Variants in EFCAB5 observed in about 807,000 individuals in gnomAD.
EFCAB5 encodes the protein EF-hand calcium binding domain 5.
EFCAB5 carries 131 observed loss-of-function variants against 167.9 expected under a neutral mutation model. The ratio of observed to expected loss-of-function variants is 0.78; its 90% CI spans 0.68 to 0.90. EFCAB5 has a LOEUF of 0.90. Among genes scored for constraint, EFCAB5 ranks in the 40% least tolerant of loss-of-function variants. EFCAB5 has a pLI of 0.00. For missense variants in EFCAB5, 1,663 were observed against 1,745.2 expected (o/e 0.95, Z 0.84); for synonymous variants, 574 against 602.8 (o/e 0.95, Z 0.70).
At chr17:29,996,279 GT>G in intron 5 of EFCAB5, 32 bp from the exon 6 acceptor site, 1 of 1,523,662 alleles carries the variant, frequency 6.6e-7, no homozygotes, top group South Asian at 1.2e-5. Context: ...GTGGCATATG[GT>G]TTCTTTCTTT....
At chr17:30,094,901 T>C (rs1364577368) in intron 22 of EFCAB5, among the ~76,000 whole-genome samples, 1 of 152,164 alleles carries the variant, frequency 6.6e-6, no homozygotes, top group East Asian at 1.9e-4. Context: ...CAGACAGCTG[T>C]GTTTGCAGTA....
At chr17:30,042,556 CTTAA>C (rs1365533847) in intron 8 of EFCAB5, among the ~76,000 whole-genome samples, 1 of 151,956 alleles carries the variant, frequency 6.6e-6, no homozygotes, top group Non-Finnish European at 1.5e-5. Flanking sequence ...GGATAAATTC[CTTAA>C]AAGACACAAA....
chr17:29,943,843 C>T (rs189910096), intron 3 of EFCAB5, among the ~76,000 whole-genome samples, 194 bp downstream of exon 3: 2 of 151,828 alleles, frequency 1.3e-5, no homozygotes, highest in Non-Finnish European at 2.9e-5. Flanking sequence ...GGCATAGTGG[C>T]GGGTGCCTGT....
chr17:29,959,786 T>G (rs964962825), intron 3 of EFCAB5, among the ~76,000 whole-genome samples: 8 of 152,102 alleles, frequency 5.3e-5, no homozygotes, highest in African/African-American at 1.9e-4. Flanking sequence ...AGCTGCACTG[T>G]CTGGAGTTGG....
intron 3 of EFCAB5, 135 bp from the exon 4 acceptor site, chr17:29,968,656 C>T (rs1387078489): frequency 5.7e-6 from 4 of 698,172 alleles, no homozygotes; most frequent in Non-Finnish European, 8.9e-6. Flanking sequence ...GTCTGATTTT[C>T]TGTTATTTTC....
At chr17:30,057,555 A>G in intron 12 of EFCAB5, 121 bp from the exon 13 acceptor site, 1 of 791,964 alleles carries the variant, frequency 1.3e-6, no homozygotes, top group Non-Finnish European at 2.0e-6. Context: ...GTCCTCATGA[A>G]GGAAGCATGG....
chr17:30,084,954 C>A (rs906925692), intron 18 of EFCAB5, among the ~76,000 whole-genome samples: 6 of 152,156 alleles, frequency 3.9e-5, no homozygotes, highest in Non-Finnish European at 5.9e-5. Context: ...ACACAGCTGT[C>A]CTTTGTCGGT....
chr17:29,994,353 TC>T (rs1384316341), intron 5 of EFCAB5, among the ~76,000 whole-genome samples: 7 of 151,620 alleles, frequency 4.6e-5, no homozygotes, highest in Admixed American at 3.3e-4. Flanking sequence ...TATAGAGGAT[TC>T]TTTGGATGGC....
intron 7 of EFCAB5, 83 bp from the exon 8 acceptor site, chr17:30,034,147 T>G: frequency 6.8e-7 from 1 of 1,462,186 alleles, no homozygotes. Flanking sequence ...ATGTATTTCA[T>G]GCACATTGGT....
intron 3 of EFCAB5, chr17:29,968,439 G>C (rs962679348): frequency 1.3e-5 from 5 of 395,878 alleles, no homozygotes; most frequent in Admixed American, 6.8e-5. Context: ...AGAGCCTCAA[G>C]AGGAGAAAAA....
rs112900293 is a variant in EFCAB5 at position 30,059,569 on chromosome 17, C to T, written c.2605C>T (p.Arg869Ter). The T allele has an allele frequency of 2.1e-5, 33 of 1,605,586 alleles. No homozygotes were observed. Among genetic ancestry groups the T allele is most frequent in the South Asian group, 1.1e-4 (10 of 89,994 alleles). The change falls in exon 14 of 23, where the codon CGA becomes TGA. Residue 869 changes from arginine to a stop codon, truncating the protein, a stop_gained. Coordinates refer to ENST00000394835, the MANE Select transcript of EFCAB5 (RefSeq NM_198529.4). LOFTEE classifies it high-confidence loss of function. ...GTTTAGCCAAAATGCTTTCCAAGTCCGACAGAGGCTTCTCCTAGAAGCCAT... is the reference window on the plus strand; with the variant it reads ...GTTTAGCCAAAATGCTTTCCAAGTCTGACAGAGGCTTCTCCTAGAAGCCAT... ...EQFSQNAFQV[R>*]QRLLLEAIFQ...
At chr17:29,970,542 T>A (rs1053390117) in intron 4 of EFCAB5, among the ~76,000 whole-genome samples, 1 of 151,252 alleles carries the variant, frequency 6.6e-6, no homozygotes, top group Admixed American at 6.6e-5. Context: ...CTATTAATAC[T>A]CTTAGAAAAC....
chr17:30,038,133 G>A (rs1448340265), intron 8 of EFCAB5, among the ~76,000 whole-genome samples: 1 of 152,180 alleles, frequency 6.6e-6, no homozygotes, highest in African/African-American at 2.4e-5. Context: ...CTCCCACAAA[G>A]ACACAAGTCA....
intron 3 of EFCAB5, among the ~76,000 whole-genome samples, chr17:29,953,233 C>G (rs1157533242): frequency 1.3e-5 from 2 of 152,136 alleles, no homozygotes; most frequent in Admixed American, 1.3e-4. Flanking sequence ...TTCCTATACA[C>G]CAACAACAGT....
rs773512124 is a variant in EFCAB5, at chr17:30,083,050, A to G, written c.3579+7A>G. The G allele has an allele frequency of 6.2e-6, 10 of 1,613,524 alleles. No individual in the cohort carries two copies. In the East Asian group the frequency reaches 1.1e-4, roughly 18 times the overall value. On this transcript the variant is annotated splice_region_variant and intron_variant, in intron 18 of 22. Transcript: ENST00000394835. ...AGAGCCTAGCCCAGCCCAGGTAGGC[A>G]AGGCTCAGTAGTGGTAGATCTCTCC...
At chr17:29,972,711 G>A in intron 4 of EFCAB5, 1 of 211,502 alleles carries the variant, frequency 4.7e-6, no homozygotes, top group Non-Finnish European at 1.0e-5. Flanking sequence ...AGCTGGTAGG[G>A]ATGAAGATCC....
At chr17:29,962,555 T>C (rs1567680205) in intron 3 of EFCAB5, among the ~76,000 whole-genome samples, 2 of 151,730 alleles carry the variant, frequency 1.3e-5, no homozygotes, top group African/African-American at 4.8e-5. Flanking sequence ...ACTGCACCCT[T>C]GAACTCCTGG....
At chr17:30,058,027 A>G (rs538397140) in intron 13 of EFCAB5, 137 bp downstream of exon 13, 3 of 723,230 alleles carry the variant, frequency 4.1e-6, no homozygotes, top group Non-Finnish European at 6.6e-6. Context: ...AAGCATAGCC[A>G]TTAAAGATTC....
chr17:30,050,494 G>A (rs1028734352), intron 8 of EFCAB5, among the ~76,000 whole-genome samples: 1 of 152,068 alleles, frequency 6.6e-6, no homozygotes, highest in Non-Finnish European at 1.5e-5. Context: ...AGCCAGGCTG[G>A]ACTGCAGTGA....
Sources: allele counts gnomAD v4.1 joint callset (sites outside exome capture counted in the v4.1 genomes callset), GRCh38; gene constraint gnomAD v4.1.1; transcripts MANE v1.5; gene names NCBI Gene and HGNC (gene_info 2026-07-23, HGNC 2026-07-21).